The following DGKH variants were observed in gnomAD, a reference collection of about 807,000 sequenced individuals.
DGKH encodes DAG kinase eta.
A neutral mutation model predicts 159.3 loss-of-function variants in DGKH; 90 were observed. The ratio of observed to expected loss-of-function variants is 0.57; its 90% CI spans 0.48 to 0.67. DGKH has a LOEUF of 0.67. Ranked by LOEUF, DGKH falls within the 30% of genes least tolerant of loss-of-function variation. The pLI, the probability that DGKH is intolerant of heterozygous loss-of-function variation, is 0.00. For synonymous variants in DGKH, 536 were observed against 553.8 expected, an observed-to-expected ratio of 0.97 and a Z score of 0.45; for missense variants, 1,181 against 1,506.1, an observed-to-expected ratio of 0.78 and a Z score of 3.57.
At chr13:42,184,612 A>T (rs949877951) in intron 13 of DGKH, among the ~76,000 whole-genome samples, 11 of 152,056 alleles carry the variant, frequency 7.2e-5, no homozygotes, top group African/African-American at 2.4e-4. Flanking sequence ...CTGTAATCTC[A>T]TTGCTTTGGG....
At chr13:42,070,010 G>A in intron 1 of DGKH, 1 of 840,694 alleles carries the variant, frequency 1.2e-6, no homozygotes, top group Non-Finnish European at 2.0e-6. Context: ...TCTGAAAACT[G>A]ACAGTCATAG....
In DGKH at chr13:42,206,976, T is replaced by TTTCC. The variant is rs2138184053; in HGVS notation, c.2601+833_2601+834insCTTC. On this transcript the variant is annotated intron_variant, in intron 21 of 29. Coordinates refer to ENST00000337343, the MANE Select transcript of DGKH (RefSeq NM_178009.5). Reference sequence around the variant, plus strand: ...ACAATACCTTTTGGTACTTTTACTTTTTCTTTCTTTCTTTCTTTCTTTCTT... The same window carrying TTTCC: ...ACAATACCTTTTGGTACTTTTACTTTTTCCTTCTTTCTTTCTTTCTTTCTTTCTT... 2.6e-4 allele frequency among the ~76,000 whole-genome samples: 6 copies of TTTCC among 23,478 alleles called. 1 individual carries two copies. The South Asian group carries it at 8.9e-3, about 35-fold the overall frequency. 15.4% of individuals were successfully genotyped at this position (23,478 alleles called of 152,430 possible).
At chr13:42,129,941 G>A (rs1056355756) in intron 3 of DGKH, among the ~76,000 whole-genome samples, 1 of 152,018 alleles carries the variant, frequency 6.6e-6, no homozygotes, top group African/African-American at 2.4e-5. Flanking sequence ...TATTTAAGAA[G>A]TTTATTTACC....
chr13:42,097,478 G>C (rs1363808591), intron 1 of DGKH, among the ~76,000 whole-genome samples: 2 of 152,126 alleles, frequency 1.3e-5, no homozygotes, highest in South Asian at 2.1e-4. Context: ...CCTGTTATCA[G>C]CATTTTTTAA....
rs1293330155 is a variant in DGKH, at chr13:42,067,550, A to G, written c.192+18585A>G. Among the ~76,000 whole-genome samples, 3 of 152,176 alleles carry G rather than the reference A, an allele frequency of 2.0e-5. No individual in the cohort carries two copies. In the South Asian group the frequency reaches 6.2e-4, roughly 31 times the overall value. The stretch of plus-strand genomic sequence containing the variant: ...ATGTCTTTTATTCTAGAAAGATCAT[A>G]AAGGCTTGAAATGACAAATAGATAC... On this transcript the variant is annotated intron_variant, in intron 1 of 29. Transcript: ENST00000337343.
chr13:42,119,509 C>T (rs577324262), intron 1 of DGKH, among the ~76,000 whole-genome samples: 1 of 152,194 alleles, frequency 6.6e-6, no homozygotes, highest in Non-Finnish European at 1.5e-5. Context: ...TGAGATGGCT[C>T]TTCCATGACA....
intron 1 of DGKH, among the ~76,000 whole-genome samples, chr13:42,109,510 A>AT (rs1303545917): frequency 2.0e-5 from 3 of 152,162 alleles, no homozygotes; most frequent in East Asian, 1.9e-4. Flanking sequence ...GAGGGCTTAG[A>AT]TTTTTTTGGC....
intron 29 of DGKH, 74 bp from the exon 30 acceptor site, chr13:42,229,025 T>G: frequency 8.3e-6 from 11 of 1,330,958 alleles, no homozygotes; most frequent in Non-Finnish European, 1.1e-5. Flanking sequence ...TTTTCTTTCA[T>G]TTTTAAAATT....
intron 7 of DGKH, among the ~76,000 whole-genome samples, chr13:42,162,462 G>A (rs978081531): frequency 2.6e-5 from 4 of 152,122 alleles, no homozygotes; most frequent in Non-Finnish European, 5.9e-5. Context: ...GCAGTGAGCT[G>A]AGATTGCACC....
At chr13:42,255,985 G>A in intron 30 of DGKH, 1 of 1,605,666 alleles carries the variant, frequency 6.2e-7, no homozygotes, top group Admixed American at 1.7e-5. Flanking sequence ...GTGGAGCCAT[G>A]AACACTACTG....
At chr13:42,052,981 A>G (rs1030260195) in intron 1 of DGKH, among the ~76,000 whole-genome samples, 1 of 152,190 alleles carries the variant, frequency 6.6e-6, no homozygotes, top group Non-Finnish European at 1.5e-5. Flanking sequence ...GCCACAAATG[A>G]GTCTCTAAAT....
At chr13:42,204,810 A>G (rs188136254) in intron 20 of DGKH, among the ~76,000 whole-genome samples, 1 of 152,300 alleles carries the variant, frequency 6.6e-6, no homozygotes, top group African/African-American at 2.4e-5. Flanking sequence ...CATTAAAGAA[A>G]ATATTGGTAC....
At chr13:42,222,423 G>A (rs955903055) in intron 29 of DGKH, among the ~76,000 whole-genome samples, 1 of 152,016 alleles carries the variant, frequency 6.6e-6, no homozygotes, top group African/African-American at 2.4e-5. Flanking sequence ...AAGAGTTTTA[G>A]CACATCAAAA....
intron 1 of DGKH, chr13:42,069,682 T>A: frequency 8.3e-7 from 1 of 1,200,578 alleles, no homozygotes; most frequent in Non-Finnish European, 1.2e-6. Flanking sequence ...TGTAATAAGC[T>A]TGGGTTCATA....
intron 17 of DGKH, chr13:42,196,095 A>G (rs1957197507): frequency 6.6e-6 from 1 of 152,202 alleles, no homozygotes; most frequent in African/African-American, 2.4e-5. Context: ...TAAAACCATA[A>G]TGAGGTGCCC....
rs183450530 is a variant in DGKH at position 42,101,946 on chromosome 13, T to G, written c.193-25517T>G. On this transcript the variant is annotated intron_variant, in intron 1 of 29. Transcript: ENST00000337343. ...AGTGAAACAGGATGTTGAGATAGGT[T>G]TCATTCTGTCTCAGTTTTGGCTGAG... Among the ~76,000 whole-genome samples, 1,013 of 152,276 alleles carry G rather than the reference T, an allele frequency of 6.7e-3. 4 individuals are homozygous for G. The highest frequency in any genetic ancestry group is 0.011 in the Non-Finnish European group (745 of 68,012).
chr13:42,154,620 A>ACAGTGGAGCTC (rs1955993837), intron 3 of DGKH, among the ~76,000 whole-genome samples: 6 of 152,262 alleles, frequency 3.9e-5, no homozygotes, highest in South Asian at 2.1e-4. Context: ...CTCTCGCTAA[A>ACAGTGGAGCTC]TACTAGTACA....
In DGKH at chr13:42,198,604, A is replaced by G. The variant is rs773842935; in HGVS notation, c.2285+9A>G. ...CCGGATCTAGATTCCGTGTAAGAAA[A>G]TGCTTTTGCAAATATTTTGTTTGGG... On this transcript the variant is annotated intron_variant, in intron 18 of 29. Coordinates refer to ENST00000337343, the MANE Select transcript of DGKH (RefSeq NM_178009.5). 1.3e-6 allele frequency: 2 copies of G among 1,595,360 alleles called. No individual in the cohort carries two copies. Among genetic ancestry groups the G allele is most frequent in the Non-Finnish European group, 1.7e-6 (2 of 1,172,108 alleles).
intron 1 of DGKH, among the ~76,000 whole-genome samples, chr13:42,120,097 A>T (rs1955040761): frequency 6.6e-6 from 1 of 152,038 alleles, no homozygotes; most frequent in Non-Finnish European, 1.5e-5. Flanking sequence ...GACATTAAAG[A>T]CTCTGAACCG....
Sources: allele counts gnomAD v4.1 joint callset (sites outside exome capture counted in the v4.1 genomes callset), GRCh38; gene constraint gnomAD v4.1.1; transcripts MANE v1.5; gene names NCBI Gene and HGNC (gene_info 2026-07-23, HGNC 2026-07-21).